BRF1: variants seen among roughly 807,000 people sequenced by gnomAD.
BRF1 encodes the protein BRF1 general transcription factor IIIB subunit, also known as transcription factor IIIB 90 kDa subunit.
A neutral mutation model predicts 81.7 loss-of-function variants in BRF1; 59 were observed. The observed-to-expected ratio is 0.72, with a 90% CI of 0.59 to 0.90. The LOEUF (loss-of-function observed/expected upper bound fraction) is 0.90. BRF1 is among the 40% of genes least tolerant of loss of function. The probability of loss-of-function intolerance (pLI) is 0.00; values close to 1 mark genes in which losing one functional copy is unlikely to be tolerated. For synonymous variants in BRF1, 491 were observed against 395.6 expected (o/e 1.24, Z -2.86); for missense variants, 1,050 against 936.3 (o/e 1.12, Z -1.58).
chr14:105,263,161 C>T (rs112161595), intron 3 of BRF1, among the ~76,000 whole-genome samples: 17 of 147,452 alleles, frequency 1.2e-4, no homozygotes, highest in East Asian at 2.0e-4. Flanking sequence ...CGCTTGAACC[C>T]GGGAGGCAGA....
intron 15 of BRF1, chr14:105,213,301 C>A (rs1186481263): frequency 6.6e-6 from 1 of 152,262 alleles, no homozygotes; most frequent in Non-Finnish European, 1.5e-5. Flanking sequence ...GAGGCCTGAT[C>A]TTGGCCGGTG....
intron 5 of BRF1, chr14:105,250,437 A>G (rs1443363751): frequency 1.2e-6 from 2 of 1,613,978 alleles, no homozygotes; most frequent in Non-Finnish European, 8.5e-7. Flanking sequence ...TTCATGTCAG[A>G]CGGATCCAGT....
At chr14:105,282,730 C>T (rs772576986) in intron 2 of BRF1, among the ~76,000 whole-genome samples, 3 of 152,150 alleles carry the variant, frequency 2.0e-5, no homozygotes, top group South Asian at 2.1e-4. Context: ...GTCAGGAGTT[C>T]GAGATAAGCC....
At chr14:105,302,953 T>A (rs1255900886), upstream of BRF1, among the ~76,000 whole-genome samples, 11 of 151,984 alleles carry the variant, frequency 7.2e-5, no homozygotes, top group Non-Finnish European at 1.6e-4. Flanking sequence ...CTTTTTTTTT[T>A]TTGAGATAGA....
At position 105,315,047 on chromosome 14, in the gene BRF1, G is replaced by A. The variant is rs1365494893; in HGVS notation, c.-162+275C>T. On this transcript the variant is annotated intron_variant, in intron 1 of 17. Coordinates refer to the BRF1 transcript ENST00000327359. This position sits in a 1 kb window ranked among gnomAD's most constrained non-coding sequence, Gnocchi z 4.4. ...CCAGCTGCGTGCCCAGGTACGCGCC[G>A]CCCGCCGCGCTTTGTTCCCGCCGGG... 2 of 1,167,760 alleles carry A rather than the reference G, an allele frequency of 1.7e-6. No homozygotes were observed. The highest frequency in any genetic ancestry group is 2.1e-6 in the Non-Finnish European group (2 of 937,652). The allele number at this position is 1,167,760 out of a possible 1,614,324, so 72.3% of individuals were successfully genotyped here. A position where few individuals can be genotyped will look rare whatever the true frequency, so the allele number is the denominator to read the frequency against.
chr14:105,264,050 C>A (rs904642637), intron 3 of BRF1, among the ~76,000 whole-genome samples: 1 of 151,656 alleles, frequency 6.6e-6, no homozygotes, highest in South Asian at 2.1e-4. Flanking sequence ...AAAGACAAGA[C>A]CAAAGGAACA....
At chr14:105,290,589 G>C (rs373684072) in intron 1 of BRF1, among the ~76,000 whole-genome samples, 4 of 152,146 alleles carry the variant, frequency 2.6e-5, no homozygotes, top group African/African-American at 9.6e-5. Flanking sequence ...TGATGATTTC[G>C]ATTCTGGTTG....
upstream of BRF1, among the ~76,000 whole-genome samples, chr14:105,301,593 A>T (rs1406576924): frequency 1.3e-5 from 2 of 152,040 alleles, no homozygotes; most frequent in African/African-American, 4.8e-5. Context: ...CGCCCTCCGC[A>T]TTTGCGGCGT....
chr14:105,301,380 G>T (rs1380712717), upstream of BRF1: 1 of 152,284 alleles, frequency 6.6e-6, no homozygotes, highest in Non-Finnish European at 1.5e-5. Context: ...TGTGGGCGGG[G>T]GAAGGGGGCG....
intron 5 of BRF1, among the ~76,000 whole-genome samples, chr14:105,251,325 A>G (rs2055598157): frequency 1.3e-5 from 2 of 152,244 alleles, no homozygotes; most frequent in African/African-American, 2.4e-5. Context: ...CTAATGCATC[A>G]CTAGCACCTC....
At chr14:105,275,289 C>A (rs587599295) in intron 2 of BRF1, among the ~76,000 whole-genome samples, 5 of 152,310 alleles carry the variant, frequency 3.3e-5, no homozygotes, top group African/African-American at 1.2e-4. Flanking sequence ...CCGGCTGTGG[C>A]CCTGCCACCT....
chr14:105,300,723 C>A lies in BRF1; in HGVS notation c.-94G>T, dbSNP rs1219776111. On this transcript the variant is annotated 5_prime_UTR_variant, in exon 1 of 18. Coordinates refer to ENST00000547530, the MANE Select transcript of BRF1 (RefSeq NM_001519.4). ...CCCGCGCCGCCCGCCCAGGCCCAGCCGCCCAGGCCTCGCCGCTCTCGCGAG... is the reference window on the plus strand; with the variant it reads ...CCCGCGCCGCCCGCCCAGGCCCAGCAGCCCAGGCCTCGCCGCTCTCGCGAG... The A allele has an allele frequency of 9.8e-7, 1 of 1,016,220 alleles. No individual in the cohort carries two copies. Among genetic ancestry groups the A allele is most frequent in the Middle Eastern group, 3.7e-4 (1 of 2,696 alleles). 63.0% of individuals were successfully genotyped at this position (1,016,220 alleles called of 1,614,324 possible). A position where few individuals can be genotyped will look rare whatever the true frequency, so the allele number is the denominator to read the frequency against.
chr14:105,227,878 A>T (rs1414812038), intron 7 of BRF1: 1 of 152,276 alleles, frequency 6.6e-6, no homozygotes, highest in Non-Finnish European at 1.5e-5. Context: ...TCTCAGCTGA[A>T]AAACAGCAGT....
chr14:105,267,639 T>C (rs941663422), intron 3 of BRF1, among the ~76,000 whole-genome samples: 2 of 152,170 alleles, frequency 1.3e-5, no homozygotes, highest in African/African-American at 2.4e-5. Flanking sequence ...TCATGCCTAA[T>C]GATGTGTGCA....
At chr14:105,248,246 A>G in intron 5 of BRF1, 2 of 985,436 alleles carry the variant, frequency 2.0e-6, no homozygotes, top group Non-Finnish European at 2.4e-6. Flanking sequence ...ACCATCCCAC[A>G]GGCCGCGGCC....
chr14:105,269,972 G>A lies in BRF1; in HGVS notation c.439+2749C>T, dbSNP rs1046371650. 1.4e-4 allele frequency among the ~76,000 whole-genome samples: 22 copies of A among 152,174 alleles called. 1 individual carries two copies. The highest frequency in any genetic ancestry group is 4.8e-4 in the African/African-American group (20 of 41,534). On this transcript the variant is annotated intron_variant, in intron 3 of 17. Transcript: ENST00000547530. The surrounding 1 kb of genome is among the most constrained non-coding windows in gnomAD (Gnocchi z 5.0). Reference sequence around the variant, plus strand: ...GGTCTGCTTCTAAGAGAGCAGGATCGGAGCAGGCCTCTCAGTGGGACCCCA... The same window carrying A: ...GGTCTGCTTCTAAGAGAGCAGGATCAGAGCAGGCCTCTCAGTGGGACCCCA...
At chr14:105,250,409 G>A in intron 5 of BRF1, 1 of 1,613,890 alleles carries the variant, frequency 6.2e-7, no homozygotes, top group Non-Finnish European at 8.5e-7. Context: ...GGTGGTTCTG[G>A]CTCAGAACTT....
At chr14:105,311,960 G>T (rs748551019) in intron 1 of BRF1, among the ~76,000 whole-genome samples, 1 of 152,238 alleles carries the variant, frequency 6.6e-6, no homozygotes, top group Admixed American at 6.5e-5. Context: ...ACCTGGCCAC[G>T]TGGGGCTGCT....
rs606231450 is a variant in BRF1 at position 105,226,674 on chromosome 14, G to C, written c.875C>G (p.Pro292Arg). 1.2e-5 allele frequency: 19 copies of C among 1,613,520 alleles called. No homozygotes were observed. Among genetic ancestry groups the C allele is most frequent in the East Asian group, 2.2e-5 (1 of 44,876 alleles). Residue 292 changes from proline (P) to arginine (R), a missense_variant, in exon 8 of 18, where the codon CCC (proline) becomes CGC (arginine). By Grantham distance (103) the Pro-to-Arg change is moderately radical. This residue lies in a region of BRF1 where 1,043 missense variants were observed against 915.4 expected (regional missense o/e 1.14). Transcript: ENST00000547530. ...KIDLEEECDP[P>R]SYTAGQRKLR... ...CTTCCTCTGCCCAGCTGTGTACGAGGGGGGGTCGCACTCCTCCTCCAGGTC... is the reference window on the plus strand; with the variant it reads ...CTTCCTCTGCCCAGCTGTGTACGAGCGGGGGTCGCACTCCTCCTCCAGGTC...
Sources: allele counts gnomAD v4.1 joint callset (sites outside exome capture counted in the v4.1 genomes callset), GRCh38; gene constraint gnomAD v4.1.1; regional missense constraint gnomAD v4.1.1; non-coding constraint Gnocchi (gnomAD v3.1); transcripts MANE v1.5; gene names NCBI Gene and HGNC (gene_info 2026-07-23, HGNC 2026-07-21).